The following LINGO2 variants were observed in gnomAD, a reference collection of about 807,000 sequenced individuals.
The protein encoded by LINGO2 is leucine rich repeat and Ig domain containing 2.
Under a neutral mutation model 30.6 loss-of-function variants are expected in LINGO2, and 14 were observed. That is an observed-to-expected ratio of 0.46 (90% CI 0.30 to 0.72). LINGO2 has a LOEUF of 0.72. LINGO2 is among the 30% of genes least tolerant of loss of function. The pLI is 0.07. For synonymous variants in LINGO2, 317 were observed against 288.5 expected (o/e 1.10, Z -1.00); for missense variants, 729 against 751.7 (o/e 0.97, Z 0.35).
chr9:28,332,789 G>A lies in LINGO2; in HGVS notation c.-245-37423C>T, dbSNP rs149246275. Among the ~76,000 whole-genome samples the A allele has an allele frequency of 2.6e-5, 4 of 152,242 alleles. No individual in the cohort carries two copies. In the East Asian group the frequency reaches 7.7e-4, roughly 29 times the overall value. On this transcript the variant is annotated intron_variant, in intron 3 of 5. Transcript: ENST00000379992. Reference sequence around the variant, plus strand: ...CCTGGAGGAATTCATAAATCCCTAAGTAGGAAAACCTGTAAAACTCTGGCC... The same window carrying A: ...CCTGGAGGAATTCATAAATCCCTAAATAGGAAAACCTGTAAAACTCTGGCC...
chr9:29,207,240 G>C, the LINGO2 span, among the ~76,000 whole-genome samples: 1 of 151,840 alleles, frequency 6.6e-6, no homozygotes, highest in African/African-American at 2.4e-5. Flanking sequence ...GAAAATAAAG[G>C]CACTTTCCTT....
At chr9:28,345,913 C>A (rs1819546192) in intron 3 of LINGO2, among the ~76,000 whole-genome samples, 1 of 152,122 alleles carries the variant, frequency 6.6e-6, no homozygotes, top group Admixed American at 6.5e-5. Flanking sequence ...TGTATCATGA[C>A]AGCGATCCCA....
chr9:28,073,826 A>C (rs1825549605), intron 4 of LINGO2, among the ~76,000 whole-genome samples: 2 of 152,300 alleles, frequency 1.3e-5, no homozygotes, highest in South Asian at 4.1e-4. Flanking sequence ...CCAGGTGTTC[A>C]AGACAAGCCT....
At chr9:29,103,020 T>C in the LINGO2 span, among the ~76,000 whole-genome samples, 4 of 152,044 alleles carry the variant, frequency 2.6e-5, no homozygotes, top group African/African-American at 4.8e-5. Flanking sequence ...TAACCAAATC[T>C]TCAACAGTAC....
the LINGO2 span, among the ~76,000 whole-genome samples, chr9:29,102,808 A>G: frequency 1.3e-5 from 2 of 152,186 alleles, no homozygotes; most frequent in Non-Finnish European, 2.9e-5. Context: ...CTAGAGATAC[A>G]CTTAGGCATT....
intron 3 of LINGO2, among the ~76,000 whole-genome samples, chr9:28,359,580 A>G (rs569755749): frequency 6.6e-6 from 1 of 152,160 alleles, no homozygotes; most frequent in African/African-American, 2.4e-5. Context: ...AATCACTATC[A>G]TTTGGGTGAC....
intron 3 of LINGO2, among the ~76,000 whole-genome samples, chr9:28,295,662 G>A (rs959806001): frequency 3.9e-5 from 6 of 152,028 alleles, no homozygotes; most frequent in Non-Finnish European, 7.4e-5. Context: ...AGTATGTACC[G>A]CCTCTTCTTC....
At chr9:28,293,086 A>T (rs920808531) in intron 4 of LINGO2, among the ~76,000 whole-genome samples, 33 of 151,728 alleles carry the variant, frequency 2.2e-4, no homozygotes, top group African/African-American at 7.7e-4. Context: ...CTGATTTTTT[A>T]AAAATTATTT....
chr9:28,219,441 G>C (rs1820883101), intron 4 of LINGO2, among the ~76,000 whole-genome samples: 1 of 152,034 alleles, frequency 6.6e-6, no homozygotes, highest in East Asian at 1.9e-4. Context: ...TAAATAGCAA[G>C]AATAATGCCA....
chr9:28,050,683 T>A lies in LINGO2; in HGVS notation c.-86-38278A>T, dbSNP rs529754469. 2.0e-5 allele frequency among the ~76,000 whole-genome samples: 3 copies of A among 151,038 alleles called. No individual in the cohort carries two copies. In the Admixed American group the frequency reaches 2.0e-4, roughly 10 times the overall value. ...TAAATGTCTTAGGTGTACCATTGCTTCGTGGTTATGTAGAAGAGCCCAGGC... is the reference window on the plus strand; with the variant it reads ...TAAATGTCTTAGGTGTACCATTGCTACGTGGTTATGTAGAAGAGCCCAGGC... On this transcript the variant is annotated intron_variant, in intron 4 of 5. Transcript: ENST00000379992.
chr9:28,894,827 T>C, the LINGO2 span, among the ~76,000 whole-genome samples: 1 of 152,122 alleles, frequency 6.6e-6, no homozygotes, highest in South Asian at 2.1e-4. Flanking sequence ...AATCAACATA[T>C]GAATTACTTC....
chr9:28,771,457 G>A, the LINGO2 span, among the ~76,000 whole-genome samples: 1 of 57,760 alleles, frequency 1.7e-5, no homozygotes, highest in South Asian at 4.0e-4. Context: ...TATTTGGTGT[G>A]TGTGTGTGTG....
chr9:29,033,575 G>T, the LINGO2 span, among the ~76,000 whole-genome samples: 1 of 151,546 alleles, frequency 6.6e-6, no homozygotes, highest in Non-Finnish European at 1.5e-5. Flanking sequence ...CCTGGTATTG[G>T]TGTTATCTTG....
the LINGO2 span, among the ~76,000 whole-genome samples, chr9:28,925,353 C>G: frequency 1.3e-5 from 2 of 152,216 alleles, no homozygotes; most frequent in East Asian, 1.9e-4. Context: ...GAGTTTTGGG[C>G]CAGGTATCAG....
the LINGO2 span, among the ~76,000 whole-genome samples, chr9:28,934,431 A>G: frequency 6.6e-6 from 1 of 152,198 alleles, no homozygotes; most frequent in Non-Finnish European, 1.5e-5. Context: ...TTAATTGACT[A>G]TGATTGACAA....
At chr9:29,027,478 CAGG>C in the LINGO2 span, among the ~76,000 whole-genome samples, 1 of 151,996 alleles carries the variant, frequency 6.6e-6, no homozygotes, top group Non-Finnish European at 1.5e-5. Flanking sequence ...CCTGGGGCTA[CAGG>C]CACACGCCAC....
intron 1 of LINGO2, among the ~76,000 whole-genome samples, chr9:28,608,102 T>C (rs925316471): frequency 1.3e-5 from 2 of 151,842 alleles, no homozygotes; most frequent in Admixed American, 1.3e-4. Context: ...ACTGCTGAAG[T>C]AATACTGTTT....
the LINGO2 span, among the ~76,000 whole-genome samples, chr9:28,772,831 A>C: frequency 5.9e-5 from 9 of 152,298 alleles, no homozygotes; most frequent in East Asian, 1.7e-3. Context: ...CCAGTAGTTA[A>C]GTAATATACT....
chr9:29,189,061 ACCC>A, the LINGO2 span, among the ~76,000 whole-genome samples: 3 of 70,764 alleles, frequency 4.2e-5, no homozygotes, highest in African/African-American at 1.6e-4. Flanking sequence ...CGGGGGGCTG[ACCC>A]CCCCCACCTC....
Sources: allele counts gnomAD v4.1 joint callset (sites outside exome capture counted in the v4.1 genomes callset), GRCh38; gene constraint gnomAD v4.1.1; transcripts MANE v1.5; gene names NCBI Gene and HGNC (gene_info 2026-07-23, HGNC 2026-07-21).